Variants in SEC63 observed in about 807,000 individuals in gnomAD.
SEC63 encodes translocation protein SEC63 homolog.
In SEC63, 56 loss-of-function variants were observed where a neutral mutation model predicts 116.2. That is an observed-to-expected ratio of 0.48 (90% CI 0.39 to 0.60). SEC63 has a LOEUF of 0.60. Ranked by LOEUF, SEC63 falls within the 20% of genes least tolerant of loss-of-function variation. The pLI, the probability that SEC63 is intolerant of heterozygous loss-of-function variation, is 0.00. For synonymous variants in SEC63, 273 were observed against 294.6 expected, an observed-to-expected ratio of 0.93 and a Z score of 0.75; for missense variants, 668 against 900.0, an observed-to-expected ratio of 0.74 and a Z score of 3.30.
intron 8 of SEC63, among the ~76,000 whole-genome samples, chr6:107,907,068 T>G (rs1787164412): frequency 6.6e-6 from 1 of 152,178 alleles, no homozygotes; most frequent in South Asian, 2.1e-4. Flanking sequence ...AGAAACTTTC[T>G]ATAGAACATC....
rs141125283 is a variant in SEC63, at chr6:107,947,050, T to G, written c.124+10836A>C. ...CTCTAAATATGAACATTAAGACATA[T>G]CCCTTTGAATACAAAGCTGATACAA... On this transcript the variant is annotated intron_variant, in intron 1 of 20. Coordinates refer to ENST00000369002, the MANE Select transcript of SEC63 (RefSeq NM_007214.5). Among the ~76,000 whole-genome samples the G allele has an allele frequency of 2.4e-3, 358 of 151,684 alleles. 4 individuals are homozygous for G. Among genetic ancestry groups the G allele is most frequent in the African/African-American group, 8.3e-3 (345 of 41,320 alleles).
At position 107,881,190 on chromosome 6, in the gene SEC63, A is replaced by C; in HGVS notation, c.1894T>G (p.Ser632Ala). 6.2e-7 allele frequency: 1 copy of C among 1,613,068 alleles called. No individual in the cohort carries two copies. The highest frequency in any genetic ancestry group is 8.5e-7 in the Non-Finnish European group (1 of 1,179,684). ...CTATACACAGGATGTGTTATTTTTG[A>C]TTTGGTTTCCAATAGAGCTCTCTCT... The part of the protein sequence containing the change: ...RKERALLETK[S>A]KITHPVYSLY... Residue 632 changes from serine to alanine, a missense_variant, in exon 18 of 21, where the codon TCA becomes GCA. Coordinates refer to ENST00000369002, the MANE Select transcript of SEC63 (RefSeq NM_007214.5).
At chr6:107,877,141 C>T (rs922680413) in intron 18 of SEC63, 15 of 152,866 alleles carry the variant, frequency 9.8e-5, no homozygotes, top group African/African-American at 3.6e-4. Flanking sequence ...TTTAGAAGGC[C>T]AAGAAGTCTG....
intron 19 of SEC63, 111 bp from the exon 20 acceptor site, chr6:107,873,023 A>G: frequency 1.4e-6 from 1 of 728,736 alleles, no homozygotes; most frequent in African/African-American, 1.7e-5. Context: ...TGCAGATGAT[A>G]CAGAAAGTCC....
intron 1 of SEC63, among the ~76,000 whole-genome samples, chr6:107,955,537 TC>T (rs1353791159): frequency 2.0e-5 from 3 of 152,222 alleles, no homozygotes; most frequent in Admixed American, 2.0e-4. Context: ...ATTAATTCCC[TC>T]CACCTAAACT....
chr6:107,906,422 T>G, intron 10 of SEC63, 26 bp downstream of exon 10: 1 of 1,612,602 alleles, frequency 6.2e-7, no homozygotes, highest in Non-Finnish European at 8.5e-7. Context: ...CCACTAAACC[T>G]CTGTAGATAC....
chr6:107,915,804 C>T (rs986327606), intron 4 of SEC63, among the ~76,000 whole-genome samples: 2 of 152,122 alleles, frequency 1.3e-5, no homozygotes, highest in African/African-American at 4.8e-5. Context: ...TCAACTCAAG[C>T]ACTTAGAACT....
intron 2 of SEC63, among the ~76,000 whole-genome samples, chr6:107,928,000 A>G (rs1321468738): frequency 2.0e-5 from 3 of 152,108 alleles, no homozygotes; most frequent in Non-Finnish European, 2.9e-5. Context: ...ACCCGCAGAT[A>G]TGGGGGGGAG....
At chr6:107,888,993 A>G (rs1786607292) in intron 16 of SEC63, among the ~76,000 whole-genome samples, 1 of 152,216 alleles carries the variant, frequency 6.6e-6, no homozygotes, top group Non-Finnish European at 1.5e-5. Flanking sequence ...TCAGTTTGCC[A>G]GTATTTTATT....
intron 16 of SEC63, among the ~76,000 whole-genome samples, 171 bp downstream of exon 16, chr6:107,893,311 A>T (rs1366485206): frequency 6.6e-6 from 1 of 152,184 alleles, no homozygotes; most frequent in Non-Finnish European, 1.5e-5. Context: ...AGGTAGAGGG[A>T]TGGGGAGATG....
intron 18 of SEC63, chr6:107,876,974 T>A: frequency 3.4e-6 from 1 of 297,594 alleles, no homozygotes; most frequent in South Asian, 3.8e-5. Context: ...TATATACAAC[T>A]ATTACAATAG....
intron 19 of SEC63, among the ~76,000 whole-genome samples, chr6:107,875,157 C>A (rs535709032): frequency 6.6e-6 from 1 of 152,214 alleles, no homozygotes; most frequent in East Asian, 1.9e-4. Context: ...AGCCACTGCA[C>A]CCAGCCCAAG....
intron 1 of SEC63, among the ~76,000 whole-genome samples, chr6:107,952,062 TATC>T (rs1401755588): frequency 1.3e-5 from 2 of 152,176 alleles, no homozygotes; most frequent in Non-Finnish European, 2.9e-5. Context: ...CCCTCCGTGT[TATC>T]ATTGCATACA....
rs888647259 is a variant in SEC63, at chr6:107,871,407, G to C, written c.*297C>G. ...TTTACTTTTACTGGGACCATAGACT[G>C]ATCAGATAATACATAGCCCACACTT... is the stretch of plus-strand genomic sequence containing the variant. On this transcript the variant is annotated 3_prime_UTR_variant, in exon 21 of 21. Transcript: ENST00000369002. 20 of 402,168 alleles carry C rather than the reference G, an allele frequency of 5.0e-5. No homozygotes were observed. The highest frequency in any genetic ancestry group is 4.3e-4 in the South Asian group (19 of 44,616). The allele number at this position is 402,168 out of a possible 1,614,324, so 24.9% of individuals were successfully genotyped here. A position where few individuals can be genotyped will look rare whatever the true frequency, so the allele number is the denominator to read the frequency against.
In SEC63 at chr6:107,873,763, A is replaced by AT. The variant is rs571670236; in HGVS notation, c.2035-852dup. ...AACTGGGGAGAAATACTTGCAACAC[A>AT]TATCACAAAGGGCTGATTTCTTAAC... On this transcript the variant is annotated intron_variant, in intron 19 of 20. Transcript: ENST00000369002. Among the ~76,000 whole-genome samples the AT allele has an allele frequency of 1.1e-3, 173 of 152,290 alleles. 3 individuals carry two copies. Among genetic ancestry groups the AT allele is most frequent in the Admixed American group, 8.0e-3 (123 of 15,306 alleles).
chr6:107,933,784 T>C (rs1351718178), intron 1 of SEC63, among the ~76,000 whole-genome samples: 2 of 151,048 alleles, frequency 1.3e-5, no homozygotes, highest in Admixed American at 1.3e-4. Flanking sequence ...GAAGCTGGAC[T>C]GTACTGCTGC....
intron 1 of SEC63, among the ~76,000 whole-genome samples, chr6:107,935,441 T>C (rs1277395305): frequency 2.6e-5 from 4 of 151,238 alleles, no homozygotes; most frequent in Non-Finnish European, 4.4e-5. Context: ...TTTTGTTCTG[T>C]ACTAAGAAAA....
At position 107,912,697 on chromosome 6, in the gene SEC63, C is replaced by A. The variant is rs1191314735; in HGVS notation, c.573+19G>T. On this transcript the variant is annotated intron_variant, in intron 6 of 20. Transcript: ENST00000369002. ...TTTTGTCTAATACATCATAATGTAT[C>A]TTATTTAAATGCACTCACCAGAATT... 3 of 1,531,940 alleles carry A rather than the reference C, an allele frequency of 2.0e-6. No homozygotes were observed. The highest frequency in any genetic ancestry group is 2.7e-6 in the Non-Finnish European group (3 of 1,106,500). 94.9% of individuals were successfully genotyped at this position (1,531,940 alleles called of 1,614,324 possible). A position where few individuals can be genotyped will look rare whatever the true frequency, so the allele number is the denominator to read the frequency against.
chr6:107,903,109 G>A lies in SEC63; in HGVS notation c.1055-111C>T, dbSNP rs144911649. ...ACTAAATCCATAACACCTCAAATTT[G>A]AGGATCATAGTAAGATTTTCCTTTA... On this transcript the variant is annotated intron_variant, in intron 11 of 20. Coordinates refer to ENST00000369002, the MANE Select transcript of SEC63 (RefSeq NM_007214.5). 3.6e-3 allele frequency: 3,814 copies of A among 1,060,260 alleles called. 11 individuals carry two copies. Among genetic ancestry groups the A allele is most frequent in the Non-Finnish European group, 4.0e-3 (2,835 of 700,120 alleles). 65.7% of individuals were successfully genotyped at this position (1,060,260 alleles called of 1,614,324 possible).
Sources: gnomAD v4.1 joint callset for allele counts (sites outside exome capture counted in the v4.1 genomes callset) on GRCh38, gnomAD v4.1.1 for gene constraint, MANE v1.5 for transcripts, NCBI Gene and HGNC (gene_info 2026-07-23, HGNC 2026-07-21) for gene names.